TMEM132D: variants seen among roughly 807,000 people sequenced by gnomAD.
TMEM132D encodes the protein mature OL transmembrane protein.
Under a neutral mutation model 62.3 loss-of-function variants are expected in TMEM132D, and 21 were observed. The ratio of observed to expected loss-of-function variants is 0.34; its 90% CI spans 0.24 to 0.49. The LOEUF (loss-of-function observed/expected upper bound fraction) is 0.49. Among genes scored for constraint, TMEM132D ranks in the 20% least tolerant of loss-of-function variants. The pLI, the probability that TMEM132D is intolerant of heterozygous loss-of-function variation, is 0.99. For synonymous variants in TMEM132D, 621 were observed against 575.6 expected, an observed-to-expected ratio of 1.08 and a Z score of -1.13; for missense variants, 1,346 against 1,402.8, an observed-to-expected ratio of 0.96 and a Z score of 0.65.
intron 2 of TMEM132D, among the ~76,000 whole-genome samples, chr12:129,551,401 G>C (rs7309565): frequency 0.49 from 74,064 of 152,134 alleles, 18,487 homozygotes; most frequent in Non-Finnish European, 0.54. Context: ...AGGAAGGCAT[G>C]TCTCTCTCTT....
At chr12:129,347,905 G>C (rs575384177) in intron 3 of TMEM132D, among the ~76,000 whole-genome samples, 100 of 152,126 alleles carry the variant, frequency 6.6e-4, no homozygotes, top group African/African-American at 2.2e-3. Flanking sequence ...AGGATATGAA[G>C]AGACACTTCT....
intron 2 of TMEM132D, among the ~76,000 whole-genome samples, chr12:129,533,632 T>A (rs773887652): frequency 2.6e-5 from 4 of 152,240 alleles, no homozygotes; most frequent in Admixed American, 6.5e-5. Flanking sequence ...GTTTCTCCAA[T>A]GAATCCTTTT....
chr12:129,167,969 G>C (rs1309264816), intron 5 of TMEM132D, among the ~76,000 whole-genome samples: 1 of 151,958 alleles, frequency 6.6e-6, no homozygotes, highest in African/African-American at 2.4e-5. Context: ...GAAGAAAGCT[G>C]TCAAAAAGAA....
intron 5 of TMEM132D, among the ~76,000 whole-genome samples, chr12:129,129,149 C>T (rs184807286): frequency 1.8e-3 from 272 of 152,232 alleles, no homozygotes; most frequent in African/African-American, 5.0e-3. Context: ...TCCTCCTTCT[C>T]CTCCCTAGTA....
chr12:129,683,632 C>G (rs1880838822), intron 2 of TMEM132D, among the ~76,000 whole-genome samples: 3 of 152,148 alleles, frequency 2.0e-5, no homozygotes, highest in African/African-American at 7.2e-5. Flanking sequence ...TCTACATGGA[C>G]AGATGACATG....
intron 4 of TMEM132D, among the ~76,000 whole-genome samples, chr12:129,260,501 AG>A (rs1880523344): frequency 6.6e-6 from 1 of 152,204 alleles, no homozygotes; most frequent in South Asian, 2.1e-4. Context: ...GAGGGATCTA[AG>A]GAGATTTAAT....
chr12:129,487,751 A>G (rs1874628528), intron 3 of TMEM132D, among the ~76,000 whole-genome samples: 1 of 151,720 alleles, frequency 6.6e-6, no homozygotes, highest in Non-Finnish European at 1.5e-5. Flanking sequence ...CCTGGCTAAC[A>G]TGGTGAAACC....
Position 129,903,365 on chromosome 12 carries a change from C to T in TMEM132D, c.-26G>A, listed in dbSNP as rs1270037171. 4 of 1,549,006 alleles carry T rather than the reference C, an allele frequency of 2.6e-6. No individual in the cohort carries two copies. The highest frequency in any genetic ancestry group is 3.5e-6 in the Non-Finnish European group (4 of 1,144,880). ...CCTGGAGACCCGGAGCGCAGATCCTCCGCTCCCCGGCGCCGTCCAGGCGAA... is the reference window on the plus strand; with the variant it reads ...CCTGGAGACCCGGAGCGCAGATCCTTCGCTCCCCGGCGCCGTCCAGGCGAA... On this transcript the variant is annotated 5_prime_UTR_variant, in exon 1 of 9. Coordinates refer to ENST00000422113, the MANE Select transcript of TMEM132D (RefSeq NM_133448.3). The surrounding 1 kb of genome is among the most constrained non-coding windows in gnomAD (Gnocchi z 6.2).
At chr12:129,333,313 T>C (rs1356901545) in intron 4 of TMEM132D, among the ~76,000 whole-genome samples, 1 of 152,224 alleles carries the variant, frequency 6.6e-6, no homozygotes, top group Non-Finnish European at 1.5e-5. Flanking sequence ...ATATTGCATA[T>C]CCTTTGATTT....
Position 129,297,533 on chromosome 12 carries a change from G to T in TMEM132D, c.1299+40101C>A, listed in dbSNP as rs548439644. 1.1e-4 allele frequency among the ~76,000 whole-genome samples: 17 copies of T among 152,316 alleles called. No individual in the cohort carries two copies. In the South Asian group the frequency reaches 3.5e-3, roughly 32 times the overall value. On this transcript the variant is annotated intron_variant, in intron 4 of 8. Transcript: ENST00000422113. Reference sequence around the variant, plus strand: ...CCAGCAGCAGGTCAACGCCTCTGCCGTTAGTAAGAATTGGCTTCAAAGCAC... The same window carrying T: ...CCAGCAGCAGGTCAACGCCTCTGCCTTTAGTAAGAATTGGCTTCAAAGCAC...
intron 1 of TMEM132D, among the ~76,000 whole-genome samples, chr12:129,703,564 G>A (rs1164998515): frequency 6.6e-6 from 1 of 151,694 alleles, no homozygotes; most frequent in Non-Finnish European, 1.5e-5. Flanking sequence ...ATCCTTACAG[G>A]AATGGTTACT....
intron 1 of TMEM132D, among the ~76,000 whole-genome samples, chr12:129,796,465 T>C (rs1005267591): frequency 1.3e-5 from 2 of 152,224 alleles, no homozygotes; most frequent in Non-Finnish European, 2.9e-5. Flanking sequence ...CAGGGGTACA[T>C]GTGAAGGTTT....
intron 5 of TMEM132D, among the ~76,000 whole-genome samples, chr12:129,138,741 C>CT (rs1876656981): frequency 6.6e-6 from 1 of 152,160 alleles, no homozygotes; most frequent in Non-Finnish European, 1.5e-5. Context: ...CTGGCTAGAA[C>CT]TTTTTTGATC....
chr12:129,866,991 T>C (rs1267315031), intron 1 of TMEM132D, among the ~76,000 whole-genome samples: 1 of 152,116 alleles, frequency 6.6e-6, no homozygotes, highest in African/African-American at 2.4e-5. Context: ...CTCATGCCTG[T>C]AATCCCGGCA....
chr12:129,405,848 G>T (rs149417283), intron 3 of TMEM132D, among the ~76,000 whole-genome samples: 4 of 152,032 alleles, frequency 2.6e-5, no homozygotes, highest in Non-Finnish European at 5.9e-5. Context: ...TAAAAAAACT[G>T]GGGGGCAAGA....
At chr12:129,556,128 T>C (rs1877049859) in intron 2 of TMEM132D, among the ~76,000 whole-genome samples, 1 of 152,214 alleles carries the variant, frequency 6.6e-6, no homozygotes, top group Non-Finnish European at 1.5e-5. Flanking sequence ...TTGCCTTCAC[T>C]ACACGAGTAT....
intron 5 of TMEM132D, among the ~76,000 whole-genome samples, chr12:129,104,435 A>T (rs999481191): frequency 6.6e-5 from 10 of 152,214 alleles, no homozygotes; most frequent in African/African-American, 2.2e-4. Context: ...AAACCATAAA[A>T]ACCCTAGAAG....
intron 5 of TMEM132D, among the ~76,000 whole-genome samples, chr12:129,136,774 C>CCAT (rs1565975412): frequency 0.027 from 2,961 of 108,392 alleles, 100 homozygotes; most frequent in African/African-American, 0.098. Context: ...ACCATCATCA[C>CCAT]CATCACCATC....
intron 3 of TMEM132D, among the ~76,000 whole-genome samples, chr12:129,527,884 A>G (rs1876094873): frequency 6.6e-6 from 1 of 152,246 alleles, no homozygotes; most frequent in South Asian, 2.1e-4. Context: ...ACAGGGAAGG[A>G]TGCAGTTAAA....
Sources: allele counts gnomAD v4.1 joint callset (sites outside exome capture counted in the v4.1 genomes callset), GRCh38; gene constraint gnomAD v4.1.1; non-coding constraint Gnocchi (gnomAD v3.1); transcripts MANE v1.5; gene names NCBI Gene and HGNC (gene_info 2026-07-23, HGNC 2026-07-21).